PAFAH1B1: variants seen among roughly 807,000 people sequenced by gnomAD.
The protein encoded by PAFAH1B1 is platelet-activating factor acetylhydrolase IB subunit beta.
Under a neutral mutation model 57.5 loss-of-function variants are expected in PAFAH1B1, and 2 were observed. The ratio of observed to expected loss-of-function variants is 0.03; its 90% CI spans 0.01 to 0.11. The LOEUF (loss-of-function observed/expected upper bound fraction) is 0.11, where lower values mean the gene tolerates loss of function less well. Ranked by LOEUF, PAFAH1B1 falls within the 10% of genes least tolerant of loss-of-function variation. The pLI is 1.00. For synonymous variants in PAFAH1B1, 152 were observed against 169.6 expected (o/e 0.90, Z 0.81); for missense variants, 257 against 512.0 (o/e 0.50, Z 4.81).
At chr17:2,618,080 C>T (rs1370683337) in intron 1 of PAFAH1B1, among the ~76,000 whole-genome samples, 1 of 151,812 alleles carries the variant, frequency 6.6e-6, no homozygotes, top group Non-Finnish European at 1.5e-5. Flanking sequence ...AATCTTGCCT[C>T]CACTAAAAAT....
chr17:2,614,938 C>T (rs1321894038), intron 1 of PAFAH1B1, among the ~76,000 whole-genome samples: 1 of 152,116 alleles, frequency 6.6e-6, no homozygotes, highest in Non-Finnish European at 1.5e-5. Flanking sequence ...GAAAATCATA[C>T]GAAAACAGTC....
At chr17:2,681,424 C>T (rs1030478550) in intron 10 of PAFAH1B1, 8 of 265,874 alleles carry the variant, frequency 3.0e-5, no homozygotes, top group Admixed American at 3.0e-4. Context: ...TTTGGACTTT[C>T]TTAGAATTTT....
intron 6 of PAFAH1B1, among the ~76,000 whole-genome samples, 196 bp from the exon 7 acceptor site, chr17:2,672,459 T>C (rs556383191): frequency 1.8e-4 from 28 of 152,236 alleles, no homozygotes; most frequent in African/African-American, 6.5e-4. Context: ...ACTATTTCCT[T>C]GTGGGTTGTT....
rs1160436108 is a variant in PAFAH1B1, at chr17:2,680,185, C to T, written c.1024C>T (p.Arg342Cys). Residue 342 changes from arginine to cysteine, a missense_variant, in exon 10 of 11, where the codon CGT (arginine) becomes TGT (cysteine). Transcript: ENST00000397195. Reference sequence around the variant, plus strand: ...TAAGGTGGGTCATGATAACTGGGTACGTGGAGTTCTGTTCCATTCTGGGGG... The same window carrying T: ...TAAGGTGGGTCATGATAACTGGGTATGTGGAGTTCTGTTCCATTCTGGGGG... ...MTLVGHDNWV[R>C]GVLFHSGGKF... is the part of the protein sequence containing the mutation. 4 of 1,614,024 alleles carry T rather than the reference C, an allele frequency of 2.5e-6. No individual in the cohort carries two copies. Among genetic ancestry groups the T allele is most frequent in the Non-Finnish European group, 3.4e-6 (4 of 1,179,982 alleles).
chr17:2,641,806 T>G (rs1363901299), intron 2 of PAFAH1B1: 1 of 152,170 alleles, frequency 6.6e-6, no homozygotes, highest in Non-Finnish European at 1.5e-5. Flanking sequence ...TCTGGGCCCT[T>G]TAAGTAGACA....
At chr17:2,647,045 C>A (rs1235674694) in intron 2 of PAFAH1B1, among the ~76,000 whole-genome samples, 4 of 152,018 alleles carry the variant, frequency 2.6e-5, no homozygotes, top group Non-Finnish European at 5.9e-5. Context: ...TGGCAAAACC[C>A]TGTCTCTATT....
intron 2 of PAFAH1B1, among the ~76,000 whole-genome samples, chr17:2,644,718 T>C (rs905066694): frequency 2.6e-5 from 4 of 152,216 alleles, no homozygotes; most frequent in African/African-American, 9.6e-5. Flanking sequence ...TTGTATTATT[T>C]GGAGGTATAT....
At chr17:2,668,593 C>T (rs1457011045) in intron 5 of PAFAH1B1, among the ~76,000 whole-genome samples, 1 of 151,714 alleles carries the variant, frequency 6.6e-6, no homozygotes, top group East Asian at 1.9e-4. Flanking sequence ...ATGGGAGGAT[C>T]ACATGAGCCT....
At chr17:2,649,771 G>T (rs1355191848) in intron 2 of PAFAH1B1, among the ~76,000 whole-genome samples, 1 of 152,056 alleles carries the variant, frequency 6.6e-6, no homozygotes, top group African/African-American at 2.4e-5. Flanking sequence ...ATTTGGAAGA[G>T]AAAAATAAAT....
At chr17:2,637,511 A>G (rs552136018) in intron 1 of PAFAH1B1, among the ~76,000 whole-genome samples, 1 of 152,208 alleles carries the variant, frequency 6.6e-6, no homozygotes. Context: ...TTAAGCCCAG[A>G]GGGGGAAGGC....
intron 1 of PAFAH1B1, among the ~76,000 whole-genome samples, chr17:2,628,914 T>A (rs1038983010): frequency 2.0e-5 from 3 of 152,208 alleles, no homozygotes; most frequent in African/African-American, 7.2e-5. Context: ...CTTTTGTATT[T>A]CTGTGGTGTC....
intron 8 of PAFAH1B1, among the ~76,000 whole-genome samples, chr17:2,674,640 G>C (rs1406346634): frequency 6.6e-6 from 1 of 152,156 alleles, no homozygotes; most frequent in South Asian, 2.1e-4. Flanking sequence ...TGAAGATAAT[G>C]ATTTTATTTA....
In PAFAH1B1 at chr17:2,660,552, C is replaced by T. The variant is rs190548303; in HGVS notation, c.33-4820C>T. On this transcript the variant is annotated intron_variant, in intron 2 of 10. Transcript: ENST00000397195. ...GTCTGCTGAGGATGGTGGCTTCTAG[C>T]TTCATCCATGTCGCCACAAAGGACA... 2.6e-5 allele frequency among the ~76,000 whole-genome samples: 4 copies of T among 152,266 alleles called. No individual in the cohort carries two copies. In the East Asian group the frequency reaches 7.7e-4, roughly 29 times the overall value.
intron 9 of PAFAH1B1, among the ~76,000 whole-genome samples, chr17:2,677,666 A>G (rs1030387863): frequency 2.0e-5 from 3 of 151,978 alleles, no homozygotes; most frequent in South Asian, 2.1e-4. Context: ...CATCCTGGCT[A>G]ACATGGTGAA....
At chr17:2,612,177 A>G (rs2068274661) in intron 1 of PAFAH1B1, among the ~76,000 whole-genome samples, 1 of 148,220 alleles carries the variant, frequency 6.7e-6, no homozygotes, top group Admixed American at 6.7e-5. Flanking sequence ...AGCTTTGAAT[A>G]TTGAATAAAT....
intron 2 of PAFAH1B1, among the ~76,000 whole-genome samples, chr17:2,651,893 T>C (rs1431195558): frequency 1.3e-5 from 2 of 152,324 alleles, no homozygotes; most frequent in East Asian, 1.9e-4. Flanking sequence ...CTCTTTTTGT[T>C]GTATATTCTG....
chr17:2,627,700 TC>T (rs2151627495), intron 1 of PAFAH1B1, among the ~76,000 whole-genome samples: 1 of 152,332 alleles, frequency 6.6e-6, no homozygotes, highest in African/African-American at 2.4e-5. Context: ...TTCACAATAT[TC>T]TACCCATCCA....
chr17:2,621,261 T>C (rs544479976), intron 1 of PAFAH1B1, among the ~76,000 whole-genome samples: 3 of 152,296 alleles, frequency 2.0e-5, no homozygotes, highest in Admixed American at 2.0e-4. Flanking sequence ...GTGTGTGTGG[T>C]TTCCCTCTAT....
intron 1 of PAFAH1B1, among the ~76,000 whole-genome samples, chr17:2,632,756 TTTATA>T (rs1255912322): frequency 6.6e-6 from 1 of 152,174 alleles, no homozygotes; most frequent in Non-Finnish European, 1.5e-5. Flanking sequence ...CCAGAGATGA[TTTATA>T]TTATAGGGGA....
Sources: allele counts gnomAD v4.1 joint callset (sites outside exome capture counted in the v4.1 genomes callset), GRCh38; gene constraint gnomAD v4.1.1; transcripts MANE v1.5; gene names NCBI Gene and HGNC (gene_info 2026-07-23, HGNC 2026-07-21).